SETBP1: variants seen among roughly 807,000 people sequenced by gnomAD.
SETBP1 encodes SET-binding protein.
A neutral mutation model predicts 101.0 loss-of-function variants in SETBP1; 9 were observed. The observed-to-expected ratio is 0.09, with a 90% CI of 0.05 to 0.16. The LOEUF is 0.16. SETBP1 is among the 10% of genes least tolerant of loss of function. The pLI is 1.00. For synonymous variants in SETBP1, 818 were observed against 788.5 expected (o/e 1.04, Z -0.63); for missense variants, 1,858 against 2,033.8 (o/e 0.91, Z 1.66).
intron 5 of SETBP1, among the ~76,000 whole-genome samples, chr18:45,058,025 T>G (rs1178837580): frequency 6.6e-6 from 1 of 152,242 alleles, no homozygotes; most frequent in Non-Finnish European, 1.5e-5. Flanking sequence ...ATAGAATGTC[T>G]AGATCTGGAC....
At chr18:44,702,582 T>G (rs1392134025) in intron 2 of SETBP1, among the ~76,000 whole-genome samples, 4 of 152,218 alleles carry the variant, frequency 2.6e-5, no homozygotes, top group Non-Finnish European at 5.9e-5. Context: ...TATTTTTTTC[T>G]TTGTTTGCAT....
chr18:45,014,143 A>G (rs2072895299), intron 4 of SETBP1, among the ~76,000 whole-genome samples: 1 of 152,240 alleles, frequency 6.6e-6, no homozygotes, highest in Non-Finnish European at 1.5e-5. Flanking sequence ...CTGTACAATC[A>G]GCAGCCAGAA....
chr18:44,745,223 G>A (rs146505467), intron 2 of SETBP1, among the ~76,000 whole-genome samples: 10 of 152,196 alleles, frequency 6.6e-5, no homozygotes, highest in African/African-American at 2.4e-4. Flanking sequence ...ATAATCATTC[G>A]TGTATATTCA....
At chr18:44,922,055 A>G (rs2070594094) in intron 3 of SETBP1, among the ~76,000 whole-genome samples, 1 of 152,240 alleles carries the variant, frequency 6.6e-6, no homozygotes, top group Non-Finnish European at 1.5e-5. Flanking sequence ...ACAAAGATGT[A>G]TAAGCATAAG....
In SETBP1 at chr18:45,063,185, C is replaced by A. The variant is rs576228571; in HGVS notation, c.4278C>A (p.Asn1426Lys). 2 of 1,614,050 alleles carry A rather than the reference C, an allele frequency of 1.2e-6. No homozygotes were observed. Among genetic ancestry groups the A allele is most frequent in the Non-Finnish European group, 1.7e-6 (2 of 1,179,996 alleles). ...CCAAGATCCTGTCCACCAAGAAGAA[C>A]CTGGACCACGTGAACAAGATCCTGA... The part of the protein sequence containing the change: ...NYTKILSTKK[N>K]LDHVNKILKA... The change falls in exon 6 of 6, where the codon AAC becomes AAA. Residue 1426 changes from asparagine (N) to lysine (K), a missense_variant. By Grantham distance (94) the Asn-to-Lys change is moderately conservative. Transcript: ENST00000649279.
intron 2 of SETBP1, among the ~76,000 whole-genome samples, chr18:44,842,657 G>A (rs2072641303): frequency 6.6e-6 from 1 of 152,212 alleles, no homozygotes; most frequent in African/African-American, 2.4e-5. Context: ...ACCCACTACA[G>A]CTTACCAATG....
rs187394468 is a variant in SETBP1, at chr18:45,008,148, G to T, written c.4001-30337G>T. 1.2e-3 allele frequency among the ~76,000 whole-genome samples: 185 copies of T among 152,244 alleles called. 1 individual carries two copies. Among genetic ancestry groups the T allele is most frequent in the East Asian group, 1.9e-3 (10 of 5,182 alleles). On this transcript the variant is annotated intron_variant, in intron 4 of 5. Transcript: ENST00000649279. ...CTCTCTAGATATCCTTATTTGATTT[G>T]CCCCCTTTTTCTTGTGGTATGAGCA...
At chr18:44,734,637 T>G (rs2069923367) in intron 2 of SETBP1, among the ~76,000 whole-genome samples, 1 of 152,118 alleles carries the variant, frequency 6.6e-6, no homozygotes, top group Non-Finnish European at 1.5e-5. Context: ...CCCTATCTAG[T>G]CAATACTTAC....
intron 3 of SETBP1, among the ~76,000 whole-genome samples, chr18:44,918,401 G>A (rs1024846919): frequency 2.0e-5 from 3 of 152,190 alleles, no homozygotes; most frequent in African/African-American, 4.8e-5. Flanking sequence ...CCTCGGCAGC[G>A]GCCTTCCAGG....
chr18:44,758,457 A>G (rs1003290979), intron 2 of SETBP1, among the ~76,000 whole-genome samples: 2 of 150,494 alleles, frequency 1.3e-5, no homozygotes, highest in African/African-American at 4.9e-5. Context: ...ATCTCAGCTC[A>G]CTGCAAGCTC....
chr18:44,754,817 A>G (rs892575075), intron 2 of SETBP1, among the ~76,000 whole-genome samples: 2 of 152,188 alleles, frequency 1.3e-5, no homozygotes, highest in Non-Finnish European at 2.9e-5. Flanking sequence ...GGGCTTGATG[A>G]TGAATTCTGT....
At chr18:44,731,640 ACACACACACACACGCGCACG>A (rs1264843888) in intron 2 of SETBP1, among the ~76,000 whole-genome samples, 1 of 152,042 alleles carries the variant, frequency 6.6e-6, no homozygotes, top group Non-Finnish European at 1.5e-5. Context: ...TTACACACAC[ACACACACACACACGCGCACG>A]CACACACACA....
At chr18:45,030,293 G>C (rs1482054526) in intron 4 of SETBP1, among the ~76,000 whole-genome samples, 1 of 123,646 alleles carries the variant, frequency 8.1e-6, no homozygotes, top group African/African-American at 3.2e-5. Flanking sequence ...CTTTGGTTCT[G>C]TTTATATGCT....
chr18:44,787,860 C>CA (rs11399627), intron 2 of SETBP1, among the ~76,000 whole-genome samples: 4,085 of 9,206 alleles, frequency 0.44, 1,584 homozygotes, highest in South Asian at 0.7. Flanking sequence ...GAGTCCGTCT[C>CA]AAAAAAAAAA....
chr18:44,747,523 T>G (rs545981762), intron 2 of SETBP1, among the ~76,000 whole-genome samples: 1 of 152,380 alleles, frequency 6.6e-6, no homozygotes, highest in East Asian at 1.9e-4. Flanking sequence ...CCAGACATCC[T>G]GGCCTCCCAA....
At chr18:44,899,876 G>C (rs941536526) in intron 3 of SETBP1, among the ~76,000 whole-genome samples, 1 of 152,078 alleles carries the variant, frequency 6.6e-6, no homozygotes, top group Non-Finnish European at 1.5e-5. Context: ...TTAAAGGAAA[G>C]GAGAAAGACT....
chr18:44,798,038 C>G (rs769025735), intron 2 of SETBP1, among the ~76,000 whole-genome samples: 4 of 152,108 alleles, frequency 2.6e-5, no homozygotes, highest in Non-Finnish European at 4.4e-5. Context: ...CATATAGGAT[C>G]CATTTGTGGA....
intron 1 of SETBP1, among the ~76,000 whole-genome samples, chr18:44,696,718 C>T (rs577310724): frequency 6.6e-6 from 1 of 152,264 alleles, no homozygotes; most frequent in South Asian, 2.1e-4. Flanking sequence ...AACAGACTTT[C>T]GTCCCAACCC....
Position 44,701,385 on chromosome 18 carries a change from A to AG in SETBP1, c.44dup (p.Glu16ArgfsTer47), listed in dbSNP as rs1231303606. 6.5e-7 allele frequency: 1 copy of AG among 1,544,232 alleles called. No homozygotes were observed. Among genetic ancestry groups the AG allele is most frequent in the Non-Finnish European group, 8.8e-7 (1 of 1,142,534 alleles). On this transcript the variant is annotated frameshift_variant, in exon 2 of 6. Coordinates refer to ENST00000649279, the MANE Select transcript of SETBP1 (RefSeq NM_015559.3). LOFTEE classifies it high-confidence loss of function. ...AAACCTTAAGCAGCTCCCGGCAAAG[A>AG]GGGGGCGAGTCAGACTTCCTGCCGG...
Sources: allele counts gnomAD v4.1 joint callset (sites outside exome capture counted in the v4.1 genomes callset), GRCh38; gene constraint gnomAD v4.1.1; transcripts MANE v1.5; gene names NCBI Gene and HGNC (gene_info 2026-07-23, HGNC 2026-07-21).